Variants in SFT2D1 observed in about 807,000 individuals in gnomAD.
SFT2D1 encodes the protein SFT2 domain containing 1, also known as vesicle transport protein SFT2A.
In SFT2D1, 24 loss-of-function variants were observed where a neutral mutation model predicts 28.1. That is an observed-to-expected ratio of 0.85 (90% CI 0.62 to 1.20). The LOEUF (loss-of-function observed/expected upper bound fraction) is 1.20, where lower values mean the gene tolerates loss of function less well. SFT2D1 is among the 50% of genes most tolerant of loss of function. SFT2D1 has a pLI of 0.00. For synonymous variants in SFT2D1, 82 were observed against 73.7 expected, an observed-to-expected ratio of 1.11 and a Z score of -0.58; for missense variants, 181 against 190.9, an observed-to-expected ratio of 0.95 and a Z score of 0.31.
intron 1 of SFT2D1, among the ~76,000 whole-genome samples, chr6:166,339,187 C>T (rs1778722883): frequency 6.6e-6 from 1 of 152,136 alleles, no homozygotes; most frequent in Non-Finnish European, 1.5e-5. Flanking sequence ...TGATGATCCT[C>T]TCACCTTCCG....
At position 166,325,618 on chromosome 6, in the gene SFT2D1, C is replaced by T. The variant is rs148091096; in HGVS notation, c.351+514G>A. ...AGCACACTTGCCTCACCACTGCAGACTCACAGCGCACCCCTGCAGCAGCAT... is the reference window on the plus strand; with the variant it reads ...AGCACACTTGCCTCACCACTGCAGATTCACAGCGCACCCCTGCAGCAGCAT... On this transcript the variant is annotated intron_variant, in intron 5 of 7. Transcript: ENST00000361731. Among the ~76,000 whole-genome samples the T allele has an allele frequency of 2.3e-3, 358 of 152,376 alleles. 2 individuals are homozygous for T. The highest frequency in any genetic ancestry group is 8.1e-3 in the African/African-American group (335 of 41,594).
chr6:166,333,906 AC>A (rs1448142916), intron 1 of SFT2D1, among the ~76,000 whole-genome samples: 1 of 83,334 alleles, frequency 1.2e-5, no homozygotes, highest in Non-Finnish European at 2.5e-5. Flanking sequence ...CTGCCACCAA[AC>A]CACCAAACCA....
rs1295704626 is a variant in SFT2D1, at chr6:166,324,612, CA to C, written c.352-18del. Reference sequence around the variant, plus strand: ...CTTATGCCACTAACAACAGCAAAAACAGAGCAATTATGAGTTTCAAAGTTTT... The same window carrying C: ...CTTATGCCACTAACAACAGCAAAAACGAGCAATTATGAGTTTCAAAGTTTT... On this transcript the variant is annotated intron_variant, in intron 5 of 7. Coordinates refer to ENST00000361731, the MANE Select transcript of SFT2D1 (RefSeq NM_145169.3). The C allele has an allele frequency of 6.2e-7, 1 of 1,608,244 alleles. No homozygotes were observed. The highest frequency in any genetic ancestry group is 1.7e-5 in the Admixed American group (1 of 58,068).
intron 4 of SFT2D1, among the ~76,000 whole-genome samples, chr6:166,327,528 T>C (rs1778470506): frequency 1.3e-5 from 2 of 152,144 alleles, no homozygotes; most frequent in Admixed American, 6.5e-5. Flanking sequence ...ATTTGTCAAG[T>C]TGGCACACAG....
intron 5 of SFT2D1, 97 bp downstream of exon 5, chr6:166,326,035 A>C: frequency 8.4e-7 from 1 of 1,195,788 alleles, no homozygotes; most frequent in Non-Finnish European, 1.2e-6. Flanking sequence ...GTTTTAAAAA[A>C]ACAGATGAGC....
intron 5 of SFT2D1, chr6:166,325,888 C>T: frequency 2.9e-4 from 148 of 512,890 alleles, no homozygotes; most frequent in South Asian, 1.1e-3. Flanking sequence ...ATTTAGCCAC[C>T]AGCTGGGTGG....
chr6:166,326,837 A>G (rs1778452668), intron 4 of SFT2D1, among the ~76,000 whole-genome samples: 1 of 152,250 alleles, frequency 6.6e-6, no homozygotes, highest in African/African-American at 2.4e-5. Context: ...TATGTTACTA[A>G]AAAGTTTGAG....
rs576816075 is a variant in SFT2D1, at chr6:166,331,462, A to G, written c.64-1215T>C. 9 of 152,836 alleles carry G rather than the reference A, an allele frequency of 5.9e-5. 1 individual carries two copies. In the South Asian group the frequency reaches 1.9e-3, roughly 32 times the overall value. The allele number at this position is 152,836 out of a possible 1,614,324, so 9.5% of individuals were successfully genotyped here. On this transcript the variant is annotated intron_variant, in intron 1 of 7. Transcript: ENST00000361731. ...AACTAAGTATTCTGTAATGAAACAT[A>G]TATCACTCTTTAACACATTTTAAAT...
At chr6:166,334,964 A>G in intron 1 of SFT2D1, 1 of 470,468 alleles carries the variant, frequency 2.1e-6, no homozygotes. Context: ...GTATGGAAAA[A>G]CTGAAGTGAC....
intron 6 of SFT2D1, 80 bp downstream of exon 6, chr6:166,324,457 A>G: frequency 2.2e-6 from 3 of 1,377,022 alleles, no homozygotes; most frequent in Non-Finnish European, 3.0e-6. Context: ...ACGAAATGCT[A>G]GGGCTTCACA....
intron 1 of SFT2D1, among the ~76,000 whole-genome samples, chr6:166,342,208 G>GC (rs1419333197): frequency 6.6e-6 from 1 of 151,960 alleles, no homozygotes; most frequent in Non-Finnish European, 1.5e-5. Context: ...GTCGGGGGGG[G>GC]GCCTCAAAGT....
chr6:166,334,998 G>A (rs1778618675), intron 1 of SFT2D1: 1 of 491,306 alleles, frequency 2.0e-6, no homozygotes, highest in Non-Finnish European at 3.9e-6. Context: ...GACAGAGGTA[G>A]TGCCAAGAAA....
intron 3 of SFT2D1, among the ~76,000 whole-genome samples, chr6:166,329,242 G>A (rs1289049732): frequency 2.0e-5 from 3 of 152,244 alleles, no homozygotes; most frequent in East Asian, 1.9e-4. Context: ...TCACAAGCTC[G>A]TCATAATACA....
At chr6:166,333,707 T>A (rs1195624641) in intron 1 of SFT2D1, among the ~76,000 whole-genome samples, 2 of 152,204 alleles carry the variant, frequency 1.3e-5, no homozygotes, top group Non-Finnish European at 2.9e-5. Flanking sequence ...CCAGTCCTCA[T>A]CAGCCCCCCA....
At chr6:166,324,026 T>C (rs2114891480) in intron 6 of SFT2D1, 1 of 152,186 alleles carries the variant, frequency 6.6e-6, no homozygotes, top group East Asian at 1.9e-4. Flanking sequence ...AAAAAAAGTT[T>C]TGGATCCTGA....
At chr6:166,332,568 C>G (rs1379179118) in intron 1 of SFT2D1, among the ~76,000 whole-genome samples, 1 of 152,224 alleles carries the variant, frequency 6.6e-6, no homozygotes, top group Admixed American at 6.5e-5. Flanking sequence ...GCCTGCTTAT[C>G]ATAAGCATTT....
rs1488865428 is a variant in SFT2D1 at position 166,342,520 on chromosome 6, C to T, written c.-39G>A. 8 of 1,512,298 alleles carry T rather than the reference C, an allele frequency of 5.3e-6. No homozygotes were observed. Among genetic ancestry groups the T allele is most frequent in the South Asian group, 2.4e-5 (2 of 83,148 alleles). The allele number at this position is 1,512,298 out of a possible 1,614,324, so 93.7% of individuals were successfully genotyped here. A position where few individuals can be genotyped will look rare whatever the true frequency, so the allele number is the denominator to read the frequency against. On this transcript the variant is annotated 5_prime_UTR_variant, in exon 1 of 8. Coordinates refer to ENST00000361731, the MANE Select transcript of SFT2D1 (RefSeq NM_145169.3). ...GGCCGTAGCGGCCGCCACTCTGTTG[C>T]CTGCCCCTGACGCCCACCAGGAAAC...
At chr6:166,323,534 A>C (rs1331026531) in intron 6 of SFT2D1, 1 of 152,296 alleles carries the variant, frequency 6.6e-6, no homozygotes, top group Non-Finnish European at 1.5e-5. Flanking sequence ...CTTCACTAAC[A>C]CAGAAGAGCG....
chr6:166,327,155 T>A (rs559427568), intron 4 of SFT2D1, among the ~76,000 whole-genome samples: 1 of 152,216 alleles, frequency 6.6e-6, no homozygotes, highest in South Asian at 2.1e-4. Context: ...TAACATAGGT[T>A]AGCTGTGTTT....
Sources: allele counts gnomAD v4.1 joint callset (sites outside exome capture counted in the v4.1 genomes callset), GRCh38; gene constraint gnomAD v4.1.1; transcripts MANE v1.5; gene names NCBI Gene and HGNC (gene_info 2026-07-23, HGNC 2026-07-21).